The following FAM81A variants were observed in gnomAD, a reference collection of about 807,000 sequenced individuals.
The protein encoded by FAM81A is protein FAM81A.
A neutral mutation model predicts 46.7 loss-of-function variants in FAM81A; 19 were observed. The observed-to-expected ratio is 0.41, with a 90% CI of 0.28 to 0.60. FAM81A has a LOEUF of 0.60. Among genes scored for constraint, FAM81A ranks in the 20% least tolerant of loss-of-function variants. The pLI, the probability that FAM81A is intolerant of heterozygous loss-of-function variation, is 0.34. For missense variants in FAM81A, 377 were observed against 453.5 expected, an observed-to-expected ratio of 0.83 and a Z score of 1.53; for synonymous variants, 183 against 152.9, an observed-to-expected ratio of 1.20 and a Z score of -1.45.
chr15:59,493,945 C>T (rs1198381906), intron 4 of FAM81A, among the ~76,000 whole-genome samples: 2 of 152,158 alleles, frequency 1.3e-5, no homozygotes, highest in Non-Finnish European at 2.9e-5. Flanking sequence ...GTGTCACCCC[C>T]TCTGGGAGTC....
intron 3 of FAM81A, among the ~76,000 whole-genome samples, chr15:59,470,523 G>A (rs1313606514): frequency 1.3e-5 from 2 of 152,048 alleles, no homozygotes; most frequent in East Asian, 3.9e-4. Context: ...CATGCATCAC[G>A]AAGTTCTCGT....
chr15:59,475,254 C>T (rs1261014106), intron 3 of FAM81A, among the ~76,000 whole-genome samples: 1 of 152,032 alleles, frequency 6.6e-6, no homozygotes, highest in Non-Finnish European at 1.5e-5. Context: ...AAGTGATTCT[C>T]ATGCCTCAGC....
intron 6 of FAM81A, 23 bp downstream of exon 6, chr15:59,508,992 A>G: frequency 6.3e-7 from 1 of 1,577,416 alleles, no homozygotes; most frequent in South Asian, 1.1e-5. Context: ...TTTATTAAAA[A>G]AATAAAACTT....
intron 2 of FAM81A, among the ~76,000 whole-genome samples, chr15:59,424,899 A>G (rs2081188844): frequency 6.6e-6 from 1 of 152,180 alleles, no homozygotes; most frequent in Non-Finnish European, 1.5e-5. Context: ...TTCTCAAAAC[A>G]GCCACCAGAG....
intron 2 of FAM81A, among the ~76,000 whole-genome samples, chr15:59,423,793 C>A (rs2081184784): frequency 6.6e-6 from 1 of 152,158 alleles, no homozygotes; most frequent in South Asian, 2.1e-4. Context: ...ACTCACGGGT[C>A]AGGATTTTTA....
rs376678340 is a variant in FAM81A at position 59,493,879 on chromosome 15, C to T, written c.413+1490C>T. 3.9e-5 allele frequency among the ~76,000 whole-genome samples: 6 copies of T among 152,252 alleles called. No individual in the cohort carries two copies. The South Asian group carries it at 6.2e-4, about 16-fold the overall frequency. On this transcript the variant is annotated intron_variant, in intron 4 of 8. Transcript: ENST00000288228. ...CTGGGATTACAGGTGTGAGCCACCG[C>T]GCCCGGCCTCCTCCTTCTTTTCTAA...
intron 8 of FAM81A, 63 bp from the exon 9 acceptor site, chr15:59,521,191 T>C: frequency 1.3e-6 from 2 of 1,560,536 alleles, no homozygotes; most frequent in Non-Finnish European, 1.7e-6. Flanking sequence ...CTAGATACTA[T>C]AGAATTTGAT....
intron 4 of FAM81A, among the ~76,000 whole-genome samples, chr15:59,506,512 C>G (rs1198441411): frequency 1.3e-5 from 2 of 152,190 alleles, no homozygotes; most frequent in Non-Finnish European, 2.9e-5. Flanking sequence ...CATTCTGTCT[C>G]TACTGAGCCC....
chr15:59,493,098 T>A (rs765972130), intron 4 of FAM81A, among the ~76,000 whole-genome samples: 2 of 152,176 alleles, frequency 1.3e-5, no homozygotes, highest in Non-Finnish European at 1.5e-5. Flanking sequence ...CATTAATGCA[T>A]ATCAGCACCG....
At chr15:59,438,447 T>A (rs1395440575) in intron 1 of FAM81A, 165 bp downstream of exon 1, 1 of 152,272 alleles carries the variant, frequency 6.6e-6, no homozygotes, top group African/African-American at 2.4e-5. Context: ...GAGGGTTAAC[T>A]GCATGTGACG....
At chr15:59,436,598 T>G (rs2081244827), upstream of FAM81A, among the ~76,000 whole-genome samples, 3 of 152,182 alleles carry the variant, frequency 2.0e-5, no homozygotes, top group Admixed American at 2.0e-4. Flanking sequence ...ATGGGTACTT[T>G]CTGCTAACAC....
chr15:59,484,841 G>T (rs2081897997), intron 3 of FAM81A, among the ~76,000 whole-genome samples: 1 of 152,158 alleles, frequency 6.6e-6, no homozygotes, highest in Non-Finnish European at 1.5e-5. Flanking sequence ...TCCAGGCCTT[G>T]GCTCTTGGAC....
chr15:59,477,465 A>G (rs920398157), intron 3 of FAM81A, among the ~76,000 whole-genome samples: 1 of 152,220 alleles, frequency 6.6e-6, no homozygotes, highest in Admixed American at 6.5e-5. Context: ...CCCTGATAGA[A>G]CTAGTCAAAT....
chr15:59,518,516 G>C (rs1337583939), intron 8 of FAM81A, among the ~76,000 whole-genome samples: 2 of 151,790 alleles, frequency 1.3e-5, no homozygotes, highest in African/African-American at 2.4e-5. Context: ...TTTAGAGATG[G>C]GTCCTCAGTA....
intron 2 of FAM81A, among the ~76,000 whole-genome samples, chr15:59,423,682 G>A (rs537053818): frequency 3.9e-5 from 6 of 152,342 alleles, no homozygotes; most frequent in African/African-American, 1.4e-4. Context: ...AATAAGGAAT[G>A]AGAAGCTAAC....
chr15:59,447,378 A>G (rs897499421), intron 1 of FAM81A, among the ~76,000 whole-genome samples: 7 of 152,242 alleles, frequency 4.6e-5, no homozygotes, highest in Non-Finnish European at 1.5e-5. Flanking sequence ...CCTCACAACC[A>G]TAATGCCATG....
intron 3 of FAM81A, among the ~76,000 whole-genome samples, chr15:59,473,889 C>G (rs1331622924): frequency 6.6e-6 from 1 of 152,150 alleles, no homozygotes; most frequent in Non-Finnish European, 1.5e-5. Flanking sequence ...GTTGCCCAGG[C>G]TGGTCTTGAA....
At position 59,477,512 on chromosome 15, in the gene FAM81A, T is replaced by G. The variant is rs1207059271; in HGVS notation, c.295-14759T>G. Among the ~76,000 whole-genome samples, 4 of 152,354 alleles carry G rather than the reference T, an allele frequency of 2.6e-5. No individual in the cohort carries two copies. The East Asian group carries it at 7.7e-4, about 29-fold the overall frequency. ...AACACTGTATCTTGGCAAATTTGCCTAGATAAGTCTTTATGATTTTCTGTC... is the reference window on the plus strand; with the variant it reads ...AACACTGTATCTTGGCAAATTTGCCGAGATAAGTCTTTATGATTTTCTGTC... On this transcript the variant is annotated intron_variant, in intron 3 of 8. Transcript: ENST00000288228.
chr15:59,417,932 C>G (rs1246979444), intron 2 of FAM81A, among the ~76,000 whole-genome samples: 1 of 152,072 alleles, frequency 6.6e-6, no homozygotes, highest in Admixed American at 6.6e-5. Context: ...TCCCCACAAC[C>G]CACGACAGGC....
Sources: gnomAD v4.1 joint callset for allele counts (sites outside exome capture counted in the v4.1 genomes callset) on GRCh38, gnomAD v4.1.1 for gene constraint, MANE v1.5 for transcripts, NCBI Gene and HGNC (gene_info 2026-07-23, HGNC 2026-07-21) for gene names.